The following ABLIM2 variants were observed in gnomAD, a reference collection of about 807,000 sequenced individuals.
The protein encoded by ABLIM2 is actin-binding LIM protein 2.
A neutral mutation model predicts 97.7 loss-of-function variants in ABLIM2; 53 were observed. The ratio of observed to expected loss-of-function variants is 0.54; its 90% CI spans 0.44 to 0.68. The LOEUF (loss-of-function observed/expected upper bound fraction) is 0.68, where lower values mean the gene tolerates loss of function less well. Ranked by LOEUF, ABLIM2 falls within the 30% of genes least tolerant of loss-of-function variation. ABLIM2 has a pLI of 0.00. For missense variants in ABLIM2, 835 were observed against 867.2 expected, an observed-to-expected ratio of 0.96 and a Z score of 0.47; for synonymous variants, 361 against 345.8, an observed-to-expected ratio of 1.04 and a Z score of -0.49.
intron 14 of ABLIM2, among the ~76,000 whole-genome samples, chr4:8,013,176 T>C (rs1766234395): frequency 6.6e-6 from 1 of 150,614 alleles, no homozygotes; most frequent in African/African-American, 2.4e-5. Context: ...GAATACCTAC[T>C]CATCAGATAA....
At chr4:7,969,217 G>A (rs1007372526) in intron 20 of ABLIM2, among the ~76,000 whole-genome samples, 3 of 152,152 alleles carry the variant, frequency 2.0e-5, no homozygotes, top group African/African-American at 7.2e-5. Context: ...ACTTTGGGAG[G>A]CCAAGGCGGG....
chr4:8,107,076 C>A (rs1837823794), intron 1 of ABLIM2, among the ~76,000 whole-genome samples: 1 of 152,254 alleles, frequency 6.6e-6, no homozygotes, highest in South Asian at 2.1e-4. Flanking sequence ...GCAGCAGGGA[C>A]CAACATCCTC....
rs1755583724 is a variant in ABLIM2, at chr4:7,999,455, G to A, written c.1619-6528C>T. Among the ~76,000 whole-genome samples the A allele has an allele frequency of 6.6e-6, 1 of 152,214 alleles. No individual in the cohort carries two copies. Among genetic ancestry groups the A allele is most frequent in the African/African-American group, 2.4e-5 (1 of 41,460 alleles). On this transcript the variant is annotated intron_variant, in intron 16 of 20. Transcript: ENST00000447017. This position sits in a 1 kb window ranked among gnomAD's most constrained non-coding sequence, Gnocchi z 4.4. Reference sequence around the variant, plus strand: ...AACATGAACCCATTTTACAGATGAGGAAGCTGAGACCTAATGATATCAAGC... The same window carrying A: ...AACATGAACCCATTTTACAGATGAGAAAGCTGAGACCTAATGATATCAAGC...
At chr4:8,100,409 A>C in intron 2 of ABLIM2, among the ~76,000 whole-genome samples, 1 of 152,126 alleles carries the variant, frequency 6.6e-6, no homozygotes, top group East Asian at 1.9e-4. Context: ...TCATGTGTAA[A>C]ATAGAGTTAG....
rs978054689 is a variant in ABLIM2, at chr4:8,128,896, C to T, written c.11-22259G>A. Reference sequence around the variant, plus strand: ...CTCAGAAGAGGGCCCACCCAGAGCCCGACCATGCTGGCACTCTGATCTTGG... The same window carrying T: ...CTCAGAAGAGGGCCCACCCAGAGCCTGACCATGCTGGCACTCTGATCTTGG... On this transcript the variant is annotated intron_variant, in intron 1 of 20. Coordinates refer to ENST00000447017, the MANE Select transcript of ABLIM2 (RefSeq NM_001130083.2). This position sits in a 1 kb window ranked among gnomAD's most constrained non-coding sequence, Gnocchi z 4.9. Among the ~76,000 whole-genome samples, 48 of 152,170 alleles carry T rather than the reference C, an allele frequency of 3.2e-4. No individual in the cohort carries two copies. The highest frequency in any genetic ancestry group is 1.1e-3 in the African/African-American group (46 of 41,438).
In ABLIM2 at chr4:8,067,500, C is replaced by T. The variant is rs144747814; in HGVS notation, c.676-6446G>A. 3.9e-3 allele frequency: 594 copies of T among 152,408 alleles called. 1 individual carries two copies. The highest frequency in any genetic ancestry group is 6.3e-3 in the Admixed American group (96 of 15,298). 9.4% of individuals were successfully genotyped at this position (152,408 alleles called of 1,614,324 possible). A position where few individuals can be genotyped will look rare whatever the true frequency, so the allele number is the denominator to read the frequency against. The stretch of plus-strand genomic sequence containing the variant: ...GCACCCTTTCCAGTGATGGCACAGC[C>T]GCGTGGCCAGGGGCAGCCGGCACCC... On this transcript the variant is annotated intron_variant, in intron 6 of 20. Transcript: ENST00000447017. The surrounding 1 kb of genome is among the most constrained non-coding windows in gnomAD (Gnocchi z 5.4).
Position 8,127,780 on chromosome 4 carries a change from C to T in ABLIM2, c.11-21143G>A, listed in dbSNP as rs889230804. On this transcript the variant is annotated intron_variant, in intron 1 of 20. Coordinates refer to ENST00000447017, the MANE Select transcript of ABLIM2 (RefSeq NM_001130083.2). This position sits in a 1 kb window ranked among gnomAD's most constrained non-coding sequence, Gnocchi z 7.3. ...CCCGGCACACTGAAATAGACTCCCG[C>T]CACACTATGCGCCAGAGACACACCT... 3 of 918,594 alleles carry T rather than the reference C, an allele frequency of 3.3e-6. No individual in the cohort carries two copies. The highest frequency in any genetic ancestry group is 2.6e-6 in the Non-Finnish European group (2 of 769,190). 56.9% of individuals were successfully genotyped at this position (918,594 alleles called of 1,614,324 possible). A position where few individuals can be genotyped will look rare whatever the true frequency, so the allele number is the denominator to read the frequency against.
chr4:7,967,017 G>A lies in ABLIM2; in HGVS notation c.1911C>T (p.Asp637=). The part of the protein sequence containing the change: ...FDRLALWKRN[D]LKKKALLF Reference sequence around the variant, plus strand: ...AGAACAAAAGGGCTTTCTTCTTAAGGTCATTCCTCTTCCAGAGGGCCAGGC... The same window carrying A: ...AGAACAAAAGGGCTTTCTTCTTAAGATCATTCCTCTTCCAGAGGGCCAGGC... The change falls in exon 21 of 21, where the codon GAC becomes GAT. Residue 637 remains aspartate, a synonymous_variant. Coordinates refer to ENST00000447017, the MANE Select transcript of ABLIM2 (RefSeq NM_001130083.2). 6.2e-7 allele frequency: 1 copy of A among 1,613,718 alleles called. No homozygotes were observed. Among genetic ancestry groups the A allele is most frequent in the Non-Finnish European group, 8.5e-7 (1 of 1,179,930 alleles).
At position 8,148,916 on chromosome 4, in the gene ABLIM2, C is replaced by T. The variant is rs1711583946; in HGVS notation, c.10+9764G>A. 6.6e-6 allele frequency among the ~76,000 whole-genome samples: 1 copy of T among 152,214 alleles called. No homozygotes were observed. The highest frequency in any genetic ancestry group is 1.5e-5 in the Non-Finnish European group (1 of 68,028). On this transcript the variant is annotated intron_variant, in intron 1 of 20. Transcript: ENST00000447017. This position sits in a 1 kb window ranked among gnomAD's most constrained non-coding sequence, Gnocchi z 6.7. The stretch of plus-strand genomic sequence containing the variant: ...TCCGCAGGCACCCGGGAGATCAGGC[C>T]ACGCCAGGACCCGGGATCTGGAGGC...
chr4:8,131,492 A>G (rs1432417283), intron 1 of ABLIM2, among the ~76,000 whole-genome samples: 2 of 152,166 alleles, frequency 1.3e-5, no homozygotes, highest in Admixed American at 1.3e-4. Context: ...GACTTTAGTA[A>G]AAGAGGGGGA....
At chr4:7,978,847 G>C (rs1735729458) in intron 20 of ABLIM2, among the ~76,000 whole-genome samples, 1 of 152,230 alleles carries the variant, frequency 6.6e-6, no homozygotes, top group Admixed American at 6.5e-5. Flanking sequence ...TCCTTTTGGG[G>C]TGCCTTCTCT....
Position 8,042,669 on chromosome 4 carries a change from G to A in ABLIM2, c.900+2495C>T, listed in dbSNP as rs535248441. ...AGCCTGACCAACATGGAGAAACCCC[G>A]TCTCTACTAAAAATACAAACTTAGC... On this transcript the variant is annotated intron_variant, in intron 9 of 20. Coordinates refer to ENST00000447017, the MANE Select transcript of ABLIM2 (RefSeq NM_001130083.2). Among the ~76,000 whole-genome samples the A allele has an allele frequency of 3.5e-4, 53 of 152,060 alleles. No individual in the cohort carries two copies. In the South Asian group the frequency reaches 0.011, roughly 31 times the overall value.
Position 8,127,430 on chromosome 4 carries a change from A to G in ABLIM2, c.11-20793T>C. Reference sequence around the variant, plus strand: ...AACTTGACTGGACCCGTCCTTTCCCACCAGACCCCTGAAGCTGATTCATGG... The same window carrying G: ...AACTTGACTGGACCCGTCCTTTCCCGCCAGACCCCTGAAGCTGATTCATGG... On this transcript the variant is annotated intron_variant, in intron 1 of 20. Transcript: ENST00000447017. This position sits in a 1 kb window ranked among gnomAD's most constrained non-coding sequence, Gnocchi z 7.3. 1 of 1,221,458 alleles carries G rather than the reference A, an allele frequency of 8.2e-7. No individual in the cohort carries two copies. The highest frequency in any genetic ancestry group is 1.1e-6 in the Non-Finnish European group (1 of 936,852). The allele number at this position is 1,221,458 out of a possible 1,614,324, so 75.7% of individuals were successfully genotyped here. A position where few individuals can be genotyped will look rare whatever the true frequency, so the allele number is the denominator to read the frequency against.
rs1016928737 is a variant in ABLIM2 at position 8,127,511 on chromosome 4, G to C, written c.11-20874C>G. On this transcript the variant is annotated intron_variant, in intron 1 of 20. Coordinates refer to ENST00000447017, the MANE Select transcript of ABLIM2 (RefSeq NM_001130083.2). The surrounding 1 kb of genome is among the most constrained non-coding windows in gnomAD (Gnocchi z 7.3). ...CTCATGGAGCTCACGGCTCCCAGCC[G>C]GATGGTCTGGGCAAAAGCGCAGTTT... 7.8e-7 allele frequency: 1 copy of C among 1,289,480 alleles called. No individual in the cohort carries two copies. The highest frequency in any genetic ancestry group is 1.0e-6 in the Non-Finnish European group (1 of 988,758). 79.9% of individuals were successfully genotyped at this position (1,289,480 alleles called of 1,614,324 possible). A position where few individuals can be genotyped will look rare whatever the true frequency, so the allele number is the denominator to read the frequency against.
chr4:8,052,827 C>A (rs930948028), intron 8 of ABLIM2, among the ~76,000 whole-genome samples: 36 of 152,246 alleles, frequency 2.4e-4, no homozygotes, highest in Non-Finnish European at 4.4e-5. Context: ...AAACAAGAGC[C>A]CAGACTTGCC....
intron 1 of ABLIM2, among the ~76,000 whole-genome samples, chr4:8,129,829 C>G (rs1368345045): frequency 6.6e-6 from 1 of 152,186 alleles, no homozygotes; most frequent in Admixed American, 6.5e-5. Flanking sequence ...CCGGCCACCC[C>G]CTCCCCGCCA....
rs537291150 is a variant in ABLIM2 at position 7,989,239 on chromosome 4, T to C, written c.1680+3627A>G. On this transcript the variant is annotated intron_variant, in intron 17 of 20. Coordinates refer to ENST00000447017, the MANE Select transcript of ABLIM2 (RefSeq NM_001130083.2). ...GATATTAGGCATGTGCTACCATGAC[T>C]GGCTAATTTTTCTATTTTTAGTAGA... 3.9e-5 allele frequency among the ~76,000 whole-genome samples: 6 copies of C among 152,262 alleles called. No homozygotes were observed. In the East Asian group the frequency reaches 1.2e-3, roughly 29 times the overall value.
chr4:8,014,935 T>G (rs1407085659), intron 14 of ABLIM2, among the ~76,000 whole-genome samples: 2 of 151,376 alleles, frequency 1.3e-5, no homozygotes, highest in African/African-American at 4.8e-5. Flanking sequence ...TTTTTTTTTT[T>G]TTTTTGACAG....
intron 2 of ABLIM2, among the ~76,000 whole-genome samples, chr4:8,101,674 T>G (rs1220973458): frequency 6.6e-6 from 1 of 152,112 alleles, no homozygotes; most frequent in Non-Finnish European, 1.5e-5. Flanking sequence ...ACTTGCTCAG[T>G]TCCACTTCCA....
Sources: gnomAD v4.1 joint callset for allele counts (sites outside exome capture counted in the v4.1 genomes callset) on GRCh38, gnomAD v4.1.1 for gene constraint, Gnocchi (gnomAD v3.1) non-coding constraint, MANE v1.5 for transcripts, NCBI Gene and HGNC (gene_info 2026-07-23, HGNC 2026-07-21) for gene names.